HSBP1: variants seen among roughly 807,000 people sequenced by gnomAD.
HSBP1 encodes the protein heat shock factor binding protein 1.
Under a neutral mutation model 9.6 loss-of-function variants are expected in HSBP1, and 5 were observed. That is an observed-to-expected ratio of 0.52 (90% CI 0.27 to 1.09). The LOEUF (loss-of-function observed/expected upper bound fraction) is 1.09, where lower values mean the gene tolerates loss of function less well. HSBP1 is among the 50% of genes least tolerant of loss of function. The pLI is 0.11. For synonymous variants in HSBP1, 42 were observed against 33.3 expected (o/e 1.26, Z -0.90); for missense variants, 121 against 96.3 (o/e 1.26, Z -1.07).
At chr16:83,808,579 G>A in intron 1 of HSBP1, 101 bp from the exon 2 acceptor site, 1 of 883,990 alleles carries the variant, frequency 1.1e-6, no homozygotes, top group South Asian at 1.5e-5. Flanking sequence ...TCCAGAGGCA[G>A]AAATGGGGCT....
rs1231860030 is a variant in HSBP1 at position 83,811,816 on chromosome 16, G to A, written c.*398G>A. On this transcript the variant is annotated 3_prime_UTR_variant, in exon 4 of 4. Coordinates refer to ENST00000433866, the MANE Select transcript of HSBP1 (RefSeq NM_001537.4). ...TTCAATTATAGTTAGTCTTGGTGAAGTAAGATGTTTGTAGACTTTAGAGTT... is the reference window on the plus strand; with the variant it reads ...TTCAATTATAGTTAGTCTTGGTGAAATAAGATGTTTGTAGACTTTAGAGTT... 1 of 152,206 alleles carries A rather than the reference G, an allele frequency of 6.6e-6. No homozygotes were observed. Among genetic ancestry groups the A allele is most frequent in the Non-Finnish European group, 1.5e-5 (1 of 68,040 alleles). 9.4% of individuals were successfully genotyped at this position (152,206 alleles called of 1,614,324 possible).
rs987308190 is a variant in HSBP1, at chr16:83,813,936, A to G, written c.*2518A>G. ...GTTTAACCCTATCAGGACTAACACA[A>G]TATTTCACGTAACTAAGAGTTAATT... On this transcript the variant is annotated 3_prime_UTR_variant, in exon 4 of 4. Transcript: ENST00000433866. 3 of 152,162 alleles carry G rather than the reference A, an allele frequency of 2.0e-5. No individual in the cohort carries two copies. The highest frequency in any genetic ancestry group is 3.9e-4 in the East Asian group (2 of 5,194). The allele number at this position is 152,162 out of a possible 1,614,324, so 9.4% of individuals were successfully genotyped here. A position where few individuals can be genotyped will look rare whatever the true frequency, so the allele number is the denominator to read the frequency against.
rs940575348 is a variant in HSBP1, at chr16:83,812,263, G to A, written c.*845G>A. On this transcript the variant is annotated 3_prime_UTR_variant, in exon 4 of 4. Transcript: ENST00000433866. ...TGAAAAGAAAGAGAGAAGGAAAAGA[G>A]ACCATATTAAGTCCATGCCAGTTGC... The A allele has an allele frequency of 6.6e-6, 1 of 152,620 alleles. No homozygotes were observed. The highest frequency in any genetic ancestry group is 2.4e-5 in the African/African-American group (1 of 41,460). The allele number at this position is 152,620 out of a possible 1,614,324, so 9.5% of individuals were successfully genotyped here.
chr16:83,818,340 C>T lies in HSBP1; in HGVS notation c.*6922C>T, dbSNP rs1434695383. ...TGATGAAAAACAGACCCCATAGAAA[C>T]TCTCTGGCACAAAAACTCTGGAATC... On this transcript the variant is annotated 3_prime_UTR_variant, in exon 4 of 4. Transcript: ENST00000433866. 5 of 152,158 alleles carry T rather than the reference C, an allele frequency of 3.3e-5. No homozygotes were observed. The highest frequency in any genetic ancestry group is 7.3e-5 in the Non-Finnish European group (5 of 68,034). The allele number at this position is 152,158 out of a possible 1,614,324, so 9.4% of individuals were successfully genotyped here. A position where few individuals can be genotyped will look rare whatever the true frequency, so the allele number is the denominator to read the frequency against.
chr16:83,808,720 C>T lies in HSBP1; in HGVS notation c.86C>T (p.Thr29Ile). 1 of 1,612,374 alleles carries T rather than the reference C, an allele frequency of 6.2e-7. No homozygotes were observed. Among genetic ancestry groups the T allele is most frequent in the Non-Finnish European group, 8.5e-7 (1 of 1,178,674 alleles). The change falls in exon 2 of 4, where the codon ACC (threonine) becomes ATC (isoleucine). Residue 29 changes from threonine (T) to isoleucine (I), a missense_variant. Transcript: ENST00000433866. ...CAGCAGATGCAAGATAAATTTCAGA[C>T]CATGTCTGACCAGATCATTGGGAGA... The part of the protein sequence containing the change: ...LLQQMQDKFQ[T>I]MSDQIIGRID...
chr16:83,810,753 G>A (rs2151030772), intron 3 of HSBP1, among the ~76,000 whole-genome samples: 1 of 143,474 alleles, frequency 7.0e-6, no homozygotes, highest in East Asian at 2.1e-4. Flanking sequence ...AGTTTGCAGT[G>A]AGTCGTGATG....
chr16:83,808,278 C>A (rs1038631167), intron 1 of HSBP1, 157 bp downstream of exon 1: 2 of 652,966 alleles, frequency 3.1e-6, no homozygotes, highest in South Asian at 2.0e-5. Context: ...GCCACCTTGA[C>A]CCCCGGGGCG....
intron 3 of HSBP1, 42 bp downstream of exon 3, chr16:83,809,467 T>TC (rs774670447): frequency 2.7e-6 from 2 of 747,214 alleles, no homozygotes; most frequent in Non-Finnish European, 1.9e-6. Flanking sequence ...CTTTTCTTTT[T>TC]TTTTTTTTTT....
chr16:83,809,827 T>G (rs1340714242), intron 3 of HSBP1, among the ~76,000 whole-genome samples: 1 of 152,144 alleles, frequency 6.6e-6, no homozygotes, highest in Admixed American at 6.6e-5. Flanking sequence ...TTGTATGTAG[T>G]CAGACATTCT....
chr16:83,808,632 G>T, intron 1 of HSBP1, 48 bp from the exon 2 acceptor site: 3 of 1,496,716 alleles, frequency 2.0e-6, no homozygotes, highest in Middle Eastern at 1.7e-4. Context: ...CCAGGAAGTT[G>T]TCTCAGGATC....
chr16:83,809,272 G>A (rs540448777), intron 2 of HSBP1, 33 bp from the exon 3 acceptor site: 1 of 1,339,334 alleles, frequency 7.5e-7, no homozygotes, highest in South Asian at 1.3e-5. Flanking sequence ...GGCTCAATGA[G>A]ATGTTGGCAC....
chr16:83,810,521 C>CAAA (rs751338141), intron 3 of HSBP1, among the ~76,000 whole-genome samples: 8,425 of 51,390 alleles, frequency 0.16, 1,214 homozygotes, highest in Non-Finnish European at 0.18. Flanking sequence ...GACTCTGTCT[C>CAAA]AAAAAAAAAA....
At chr16:83,810,473 G>A (rs1357668125) in intron 3 of HSBP1, among the ~76,000 whole-genome samples, 2 of 143,418 alleles carry the variant, frequency 1.4e-5, no homozygotes, top group Non-Finnish European at 3.0e-5. Flanking sequence ...TTGCAGTCGA[G>A]GTCACGCCAC....
Position 83,813,836 on chromosome 16 carries a change from G to A in HSBP1, c.*2418G>A, listed in dbSNP as rs995804444. Reference sequence around the variant, plus strand: ...CCTAGTTCATCCTGCTTTCCTTTGAGCCACAGGATTTTAAAATATTTCAAT... The same window carrying A: ...CCTAGTTCATCCTGCTTTCCTTTGAACCACAGGATTTTAAAATATTTCAAT... On this transcript the variant is annotated 3_prime_UTR_variant, in exon 4 of 4. Coordinates refer to ENST00000433866, the MANE Select transcript of HSBP1 (RefSeq NM_001537.4). The A allele has an allele frequency of 6.6e-6, 1 of 152,058 alleles. No individual in the cohort carries two copies. The highest frequency in any genetic ancestry group is 1.5e-5 in the Non-Finnish European group (1 of 68,026). 9.4% of individuals were successfully genotyped at this position (152,058 alleles called of 1,614,324 possible). A position where few individuals can be genotyped will look rare whatever the true frequency, so the allele number is the denominator to read the frequency against.
chr16:83,809,984 A>G (rs1446840630), intron 3 of HSBP1, among the ~76,000 whole-genome samples: 3 of 152,078 alleles, frequency 2.0e-5, no homozygotes, highest in Non-Finnish European at 4.4e-5. Context: ...TTCTGTCACT[A>G]TTAGTGAAGA....
In HSBP1 at chr16:83,816,639, G is replaced by A. The variant is rs900823760; in HGVS notation, c.*5221G>A. On this transcript the variant is annotated 3_prime_UTR_variant, in exon 4 of 4. Transcript: ENST00000433866. ...TTGTTTTTTTGTTGTCACAACTCAG[G>A]TTGGGGGTGTTACTGGCATCAAGAG... 1.3e-5 allele frequency: 2 copies of A among 152,110 alleles called. No homozygotes were observed. Among genetic ancestry groups the A allele is most frequent in the African/African-American group, 2.4e-5 (1 of 41,380 alleles). The allele number at this position is 152,110 out of a possible 1,614,324, so 9.4% of individuals were successfully genotyped here. A position where few individuals can be genotyped will look rare whatever the true frequency, so the allele number is the denominator to read the frequency against.
intron 2 of HSBP1, 23 bp from the exon 3 acceptor site, chr16:83,809,282 C>T (rs189772284): frequency 9.6e-5 from 136 of 1,418,770 alleles, no homozygotes; most frequent in Non-Finnish European, 6.1e-5. Context: ...GATGTTGGCA[C>T]GCGTTGTCTT....
In HSBP1 at chr16:83,815,981, C is replaced by A. The variant is rs575135495; in HGVS notation, c.*4563C>A. 1.3e-5 allele frequency: 2 copies of A among 152,146 alleles called. No homozygotes were observed. The highest frequency in any genetic ancestry group is 2.4e-5 in the African/African-American group (1 of 41,414). The allele number at this position is 152,146 out of a possible 1,614,324, so 9.4% of individuals were successfully genotyped here. A position where few individuals can be genotyped will look rare whatever the true frequency, so the allele number is the denominator to read the frequency against. On this transcript the variant is annotated 3_prime_UTR_variant, in exon 4 of 4. Transcript: ENST00000433866. The stretch of plus-strand genomic sequence containing the variant: ...GATTCAGGATCCAGCAGCTTAGAAG[C>A]GTTTAGCTACCAATAGCAAAAATCA...
At chr16:83,809,579 C>A (rs2151030509) in intron 3 of HSBP1, among the ~76,000 whole-genome samples, 154 bp downstream of exon 3, 1 of 149,920 alleles carries the variant, frequency 6.7e-6, no homozygotes, top group East Asian at 2.0e-4. Flanking sequence ...AAACGATTGT[C>A]CTGCCTCAGC....
Sources: allele counts gnomAD v4.1 joint callset (sites outside exome capture counted in the v4.1 genomes callset), GRCh38; gene constraint gnomAD v4.1.1; transcripts MANE v1.5; gene names NCBI Gene and HGNC (gene_info 2026-07-23, HGNC 2026-07-21).